ARPP21: variants seen among roughly 807,000 people sequenced by gnomAD.
ARPP21 encodes cAMP-regulated phosphoprotein 21.
Under a neutral mutation model 113.2 loss-of-function variants are expected in ARPP21, and 69 were observed. The observed-to-expected ratio is 0.61, with a 90% CI of 0.50 to 0.74. The LOEUF is 0.74. Ranked by LOEUF, ARPP21 falls within the 30% of genes least tolerant of loss-of-function variation. ARPP21 has a pLI of 0.00. For synonymous variants in ARPP21, 368 were observed against 375.5 expected, an observed-to-expected ratio of 0.98 and a Z score of 0.23; for missense variants, 1,070 against 1,037.4, an observed-to-expected ratio of 1.03 and a Z score of -0.43.
intron 1 of ARPP21, among the ~76,000 whole-genome samples, chr3:35,650,914 G>C (rs9809317): frequency 0.047 from 7,214 of 152,138 alleles, 245 homozygotes; most frequent in Admixed American, 0.084. Context: ...GAAAATACAT[G>C]AACCAGCCTA....
chr3:35,778,549 C>G (rs2096444492), intron 19 of ARPP21, among the ~76,000 whole-genome samples: 5 of 152,268 alleles, frequency 3.3e-5, no homozygotes, highest in African/African-American at 9.6e-5. Flanking sequence ...GGGGAGAAAA[C>G]AGTTCCCTAC....
chr3:35,706,830 C>T (rs1209361279), intron 9 of ARPP21, 144 bp from the exon 10 acceptor site: 2 of 602,510 alleles, frequency 3.3e-6, no homozygotes, highest in African/African-American at 1.9e-5. Context: ...TTATTACCTA[C>T]CTGTATATTG....
intron 19 of ARPP21, among the ~76,000 whole-genome samples, chr3:35,754,091 G>C (rs1466387713): frequency 6.6e-6 from 1 of 151,432 alleles, no homozygotes; most frequent in Non-Finnish European, 1.5e-5. Flanking sequence ...GCTGAAGAAA[G>C]AATGTGGAAT....
chr3:35,762,657 G>C (rs1175716713), intron 19 of ARPP21, among the ~76,000 whole-genome samples: 1 of 152,054 alleles, frequency 6.6e-6, no homozygotes, highest in Non-Finnish European at 1.5e-5. Context: ...AATATTTCTT[G>C]AATAAGCAAA....
In ARPP21 at chr3:35,643,387, C is replaced by T. The variant is rs540158061; in HGVS notation, c.-213+2989C>T. Among the ~76,000 whole-genome samples, 218 of 152,142 alleles carry T rather than the reference C, an allele frequency of 1.4e-3. No homozygotes were observed. In the South Asian group the frequency reaches 0.018, roughly 12 times the overall value. On this transcript the variant is annotated intron_variant, in intron 1 of 20. Coordinates refer to ENST00000684406, the MANE Select transcript of ARPP21 (RefSeq NM_001385562.1). Reference sequence around the variant, plus strand: ...AAGGAAAATACATCACAATGAGTTACTGTGATTTTTTGTTTGTTTGTCTTT... The same window carrying T: ...AAGGAAAATACATCACAATGAGTTATTGTGATTTTTTGTTTGTTTGTCTTT...
chr3:35,663,087 T>G (rs1708545996), intron 1 of ARPP21, among the ~76,000 whole-genome samples: 1 of 152,146 alleles, frequency 6.6e-6, no homozygotes, highest in Non-Finnish European at 1.5e-5. Flanking sequence ...ACTTTATCAC[T>G]ATGTATTGTA....
intron 1 of ARPP21, among the ~76,000 whole-genome samples, chr3:35,667,759 G>C (rs2074770467): frequency 6.6e-6 from 1 of 151,174 alleles, no homozygotes; most frequent in African/African-American, 2.4e-5. Context: ...ATTTTGCAAT[G>C]GTATTGATGC....
rs1248246161 is a variant in ARPP21 at position 35,679,977 on chromosome 3, C to G, written c.-39+17C>G. 1 of 152,222 alleles carries G rather than the reference C, an allele frequency of 6.6e-6. No individual in the cohort carries two copies. The highest frequency in any genetic ancestry group is 1.5e-5 in the Non-Finnish European group (1 of 67,880). The allele number at this position is 152,222 out of a possible 1,614,324, so 9.4% of individuals were successfully genotyped here. A position where few individuals can be genotyped will look rare whatever the true frequency, so the allele number is the denominator to read the frequency against. On this transcript the variant is annotated intron_variant, in intron 2 of 20. Transcript: ENST00000684406. ...GCACCAAAGGTAAAGGTCTTGTTGTCTGGCTGTCATCTCATCTGCATTTTA... is the reference window on the plus strand; with the variant it reads ...GCACCAAAGGTAAAGGTCTTGTTGTGTGGCTGTCATCTCATCTGCATTTTA...
intron 19 of ARPP21, among the ~76,000 whole-genome samples, chr3:35,771,590 A>T (rs2096205361): frequency 6.6e-6 from 1 of 152,116 alleles, no homozygotes; most frequent in African/African-American, 2.4e-5. Flanking sequence ...TGGCCTCCCA[A>T]AGTGCTGGGA....
At chr3:35,682,485 G>T (rs943095557) in intron 3 of ARPP21, 31 of 196,896 alleles carry the variant, frequency 1.6e-4, no homozygotes, top group African/African-American at 6.9e-4. Context: ...CAAATAGCTT[G>T]TAAGTATTGA....
intron 1 of ARPP21, among the ~76,000 whole-genome samples, chr3:35,659,620 T>C (rs979408491): frequency 1.1e-4 from 17 of 152,072 alleles, no homozygotes; most frequent in African/African-American, 4.1e-4. Context: ...TGTAGCCTGA[T>C]AGAGACATCA....
chr3:35,789,490 G>T (rs2096703102), intron 19 of ARPP21, among the ~76,000 whole-genome samples: 1 of 151,706 alleles, frequency 6.6e-6, no homozygotes, highest in Non-Finnish European at 1.5e-5. Context: ...ATATAAATTG[G>T]GCTCTCCTTA....
chr3:35,762,122 T>TCACACACACACA (rs1246202951), intron 19 of ARPP21, among the ~76,000 whole-genome samples: 3 of 144,390 alleles, frequency 2.1e-5, no homozygotes, highest in African/African-American at 8.1e-5. Flanking sequence ...TCTCTCTCTC[T>TCACACACACACA]CTCTCACACA....
At chr3:35,792,570 A>G in intron 20 of ARPP21, 40 bp downstream of exon 20, 1 of 1,609,202 alleles carries the variant, frequency 6.2e-7, no homozygotes, top group Non-Finnish European at 8.5e-7. Context: ...GTTTTAAAGT[A>G]GAATTTGCCA....
At chr3:35,710,525 GCT>G (rs370158495) in intron 11 of ARPP21, among the ~76,000 whole-genome samples, 9 of 121,740 alleles carry the variant, frequency 7.4e-5, no homozygotes, top group African/African-American at 1.3e-4. Flanking sequence ...TCTCTCTCTT[GCT>G]CTCTCTCTCT....
Position 35,689,367 on chromosome 3 carries a change from C to T in ARPP21, c.467C>T (p.Thr156Ile). The change falls in exon 7 of 21, where the codon ACA becomes ATA. Residue 156 changes from threonine (T) to isoleucine (I), a missense_variant. By Grantham distance (89) the Thr-to-Ile change is moderately conservative. Coordinates refer to ENST00000684406, the MANE Select transcript of ARPP21 (RefSeq NM_001385562.1). ...GIDLHEFLIN[T>I]LKNNSRDRMI... ...GACTTACACGAGTTTCTGATTAACA[C>T]ATTAAAGAATAATTCCAGGTAAATT... is the stretch of plus-strand genomic sequence containing the variant. 1 of 1,548,328 alleles carries T rather than the reference C, an allele frequency of 6.5e-7. No individual in the cohort carries two copies. The highest frequency in any genetic ancestry group is 8.9e-7 in the Non-Finnish European group (1 of 1,121,274).
intron 19 of ARPP21, among the ~76,000 whole-genome samples, chr3:35,757,497 CA>C (rs2095615851): frequency 6.6e-6 from 1 of 151,818 alleles, no homozygotes; most frequent in Admixed American, 6.6e-5. Flanking sequence ...AATCCAATGA[CA>C]AAAAAATAAA....
intron 19 of ARPP21, among the ~76,000 whole-genome samples, chr3:35,773,104 T>C (rs770722654): frequency 1.3e-5 from 2 of 152,186 alleles, no homozygotes; most frequent in Admixed American, 6.5e-5. Context: ...GTAGAAAGTA[T>C]ATCATCTTAA....
intron 19 of ARPP21, among the ~76,000 whole-genome samples, chr3:35,748,106 GAA>G (rs1553720406): frequency 7.8e-6 from 1 of 127,954 alleles, no homozygotes; most frequent in South Asian, 2.5e-4. Flanking sequence ...AAGAAAGAAA[GAA>G]AGAAGAAAGA....
Sources: allele counts gnomAD v4.1 joint callset (sites outside exome capture counted in the v4.1 genomes callset), GRCh38; gene constraint gnomAD v4.1.1; transcripts MANE v1.5; gene names NCBI Gene and HGNC (gene_info 2026-07-23, HGNC 2026-07-21).